SFXN1: variants seen among roughly 807,000 people sequenced by gnomAD.
SFXN1 encodes sideroflexin-1.
A neutral mutation model predicts 39.5 loss-of-function variants in SFXN1; 32 were observed. The observed-to-expected ratio is 0.81, with a 90% CI of 0.61 to 1.09. The LOEUF (loss-of-function observed/expected upper bound fraction) is 1.09. Among genes scored for constraint, SFXN1 ranks in the 50% least tolerant of loss-of-function variants. The pLI, the probability that SFXN1 is intolerant of heterozygous loss-of-function variation, is 0.00. For missense variants in SFXN1, 402 were observed against 407.1 expected, an observed-to-expected ratio of 0.99 and a Z score of 0.11; for synonymous variants, 136 against 146.5, an observed-to-expected ratio of 0.93 and a Z score of 0.52.
rs542496474 is a variant in SFXN1 at position 175,500,083 on chromosome 5, G to A, written c.164+7816G>A. On this transcript the variant is annotated intron_variant, in intron 2 of 10. Transcript: ENST00000321442. The stretch of plus-strand genomic sequence containing the variant: ...CATGCCTGTAATCCCAGCTACTTGG[G>A]GTGCTGAGGCACGAGAATCACTTGA... Among the ~76,000 whole-genome samples, 247 of 152,234 alleles carry A rather than the reference G, an allele frequency of 1.6e-3. 1 individual carries two copies. Among genetic ancestry groups the A allele is most frequent in the Non-Finnish European group, 2.1e-3 (145 of 68,018 alleles).
At chr5:175,523,748 G>A (rs982777199) in intron 10 of SFXN1, 2 of 151,976 alleles carry the variant, frequency 1.3e-5, no homozygotes, top group Admixed American at 1.3e-4. Flanking sequence ...GTGTCCTTAG[G>A]TCAAGGCCCT....
At chr5:175,499,502 T>C (rs971850333) in intron 2 of SFXN1, among the ~76,000 whole-genome samples, 2 of 152,144 alleles carry the variant, frequency 1.3e-5, no homozygotes, top group African/African-American at 4.8e-5. Flanking sequence ...ATAACAAGAA[T>C]GCAAGATTGG....
chr5:175,486,194 G>T (rs13153383), intron 1 of SFXN1, among the ~76,000 whole-genome samples: 5,705 of 152,166 alleles, frequency 0.037, 141 homozygotes, highest in South Asian at 0.12. Flanking sequence ...AAGTGGGGGG[G>T]CCTCCAAGAT....
In SFXN1 at chr5:175,529,576, A is replaced by C. The variant is rs1415226522; in HGVS notation, c.*2842A>C. Reference sequence around the variant, plus strand: ...GTGCAATAAGCTTATAAAGCTAAGTAGTTATTAATATTTCTATTAACATGA... The same window carrying C: ...GTGCAATAAGCTTATAAAGCTAAGTCGTTATTAATATTTCTATTAACATGA... On this transcript the variant is annotated 3_prime_UTR_variant, in exon 11 of 11. Transcript: ENST00000321442. 1 of 152,246 alleles carries C rather than the reference A, an allele frequency of 6.6e-6. No homozygotes were observed. The highest frequency in any genetic ancestry group is 1.5e-5 in the Non-Finnish European group (1 of 68,042). The allele number at this position is 152,246 out of a possible 1,614,324, so 9.4% of individuals were successfully genotyped here. A position where few individuals can be genotyped will look rare whatever the true frequency, so the allele number is the denominator to read the frequency against.
At position 175,523,316 on chromosome 5, in the gene SFXN1, C is replaced by G. The variant is rs1195536567; in HGVS notation, c.872+894C>G. On this transcript the variant is annotated intron_variant, in intron 10 of 10. Transcript: ENST00000321442. Reference sequence around the variant, plus strand: ...AGAGCCCCCCTTGAAGAGGGCAGGACCTTCAGAACTTGCTCTGGGAGCCTG... The same window carrying G: ...AGAGCCCCCCTTGAAGAGGGCAGGAGCTTCAGAACTTGCTCTGGGAGCCTG... 4 of 152,178 alleles carry G rather than the reference C, an allele frequency of 2.6e-5. No individual in the cohort carries two copies. In the East Asian group the frequency reaches 7.7e-4, roughly 29 times the overall value. 9.4% of individuals were successfully genotyped at this position (152,178 alleles called of 1,614,324 possible).
intron 2 of SFXN1, among the ~76,000 whole-genome samples, chr5:175,501,002 A>G (rs1363710472): frequency 6.6e-6 from 1 of 152,144 alleles, no homozygotes; most frequent in African/African-American, 2.4e-5. Context: ...TATACTAGCT[A>G]ACACTATTCA....
In SFXN1 at chr5:175,505,390, A is replaced by G. The variant is rs191015721; in HGVS notation, c.165-3642A>G. Among the ~76,000 whole-genome samples the G allele has an allele frequency of 7.3e-3, 1,110 of 151,580 alleles. 16 individuals carry two copies. The highest frequency in any genetic ancestry group is 0.025 in the African/African-American group (1,036 of 41,380). On this transcript the variant is annotated intron_variant, in intron 2 of 10. Coordinates refer to ENST00000321442, the MANE Select transcript of SFXN1 (RefSeq NM_022754.7). The stretch of plus-strand genomic sequence containing the variant: ...TCTCTACTAAAAATACAAAAAAAAA[A>G]GCTGAATGTGGTGGCGGGTGCCTGT...
rs533500447 is a variant in SFXN1, at chr5:175,521,500, G to C, written c.775-419G>C. The stretch of plus-strand genomic sequence containing the variant: ...CATTTTGTACCATCACAAGGAAACG[G>C]AAGCTTGGAGAGGCTAGGCTCTGCC... On this transcript the variant is annotated intron_variant, in intron 8 of 10. Coordinates refer to ENST00000321442, the MANE Select transcript of SFXN1 (RefSeq NM_022754.7). 2.0e-5 allele frequency among the ~76,000 whole-genome samples: 3 copies of C among 152,312 alleles called. No individual in the cohort carries two copies. In the East Asian group the frequency reaches 5.8e-4, roughly 29 times the overall value.
At chr5:175,502,555 A>G (rs974619447) in intron 2 of SFXN1, among the ~76,000 whole-genome samples, 2 of 152,242 alleles carry the variant, frequency 1.3e-5, no homozygotes, top group Non-Finnish European at 2.9e-5. Flanking sequence ...TAAATAACGT[A>G]CTGGCCGGGC....
At chr5:175,520,147 C>T (rs1286179171) in intron 8 of SFXN1, among the ~76,000 whole-genome samples, 1 of 151,790 alleles carries the variant, frequency 6.6e-6, no homozygotes, top group Non-Finnish European at 1.5e-5. Context: ...GGATTACAGG[C>T]ATGAGCCACC....
At position 175,509,204 on chromosome 5, in the gene SFXN1, T is replaced by C; in HGVS notation, c.335+2T>C. On this transcript the variant is annotated splice_donor_variant, in intron 3 of 10. Transcript: ENST00000321442. LOFTEE classifies it high-confidence loss of function. ...AGGTTGTATGATGACGTTTTACAGGTATGTTATGAATATGTAGCAACAGTG... is the reference window on the plus strand; with the variant it reads ...AGGTTGTATGATGACGTTTTACAGGCATGTTATGAATATGTAGCAACAGTG... 6.2e-7 allele frequency: 1 copy of C among 1,609,924 alleles called. No homozygotes were observed. Among genetic ancestry groups the C allele is most frequent in the Non-Finnish European group, 8.5e-7 (1 of 1,178,248 alleles).
Position 175,516,624 on chromosome 5 carries a change from A to G in SFXN1, c.735A>G (p.Pro245=), listed in dbSNP as rs761269006. 3 of 1,612,576 alleles carry G rather than the reference A, an allele frequency of 1.9e-6. No homozygotes were observed. The highest frequency in any genetic ancestry group is 1.7e-6 in the Non-Finnish European group (2 of 1,179,502). Residue 245 remains proline, a synonymous_variant, in exon 8 of 11, where the codon CCA becomes CCG. Transcript: ENST00000321442. ...TATCTTTATTTCCAGCCATCCCTCCATTCATTATGAACACTTTGGAAAAGA... is the reference window on the plus strand; with the variant it reads ...TATCTTTATTTCCAGCCATCCCTCCGTTCATTATGAACACTTTGGAAAAGA... ...LMAAPGMAIP[P]FIMNTLEKKA...
At chr5:175,496,897 TC>T (rs1354577031) in intron 2 of SFXN1, among the ~76,000 whole-genome samples, 2 of 136,454 alleles carry the variant, frequency 1.5e-5, no homozygotes, top group Non-Finnish European at 3.1e-5. Context: ...AGATACTCTT[TC>T]TTTTTTTTTT....
chr5:175,510,113 A>G lies in SFXN1; in HGVS notation c.340A>G (p.Thr114Ala). The change falls in exon 4 of 11, where the codon ACG (threonine) becomes GCG (alanine). Residue 114 changes from threonine to alanine, a missense_variant. Physicochemically the swap from Thr to Ala is moderately conservative, Grantham distance 58. Transcript: ENST00000321442. ...TGACGGATGCCTCTGTTTTAGGACT[A>G]CGCCGGCTGTGCTGTTCTGGCAGTG... ...TGCMMTFYRT[T>A]PAVLFWQWIN... The G allele has an allele frequency of 1.2e-6, 2 of 1,610,702 alleles. No homozygotes were observed. Among genetic ancestry groups the G allele is most frequent in the Non-Finnish European group, 8.5e-7 (1 of 1,178,394 alleles).
chr5:175,499,422 T>C (rs1759988915), intron 2 of SFXN1, among the ~76,000 whole-genome samples: 1 of 152,118 alleles, frequency 6.6e-6, no homozygotes, highest in Non-Finnish European at 1.5e-5. Context: ...GACACAAAAA[T>C]TCTTAACAGA....
rs1027054013 is a variant in SFXN1 at position 175,529,172 on chromosome 5, A to G, written c.*2438A>G. ...GCCAACATGGAGAAACCCCGCCTCTACTAAAAATACAAAAAATTAGCCAGG... is the reference window on the plus strand; with the variant it reads ...GCCAACATGGAGAAACCCCGCCTCTGCTAAAAATACAAAAAATTAGCCAGG... On this transcript the variant is annotated 3_prime_UTR_variant, in exon 11 of 11. Transcript: ENST00000321442. 4 of 152,200 alleles carry G rather than the reference A, an allele frequency of 2.6e-5. No individual in the cohort carries two copies. The highest frequency in any genetic ancestry group is 1.3e-4 in the Admixed American group (2 of 15,268). The allele number at this position is 152,200 out of a possible 1,614,324, so 9.4% of individuals were successfully genotyped here.
At chr5:175,508,297 C>T (rs1240578325) in intron 2 of SFXN1, among the ~76,000 whole-genome samples, 7 of 131,534 alleles carry the variant, frequency 5.3e-5, no homozygotes, top group Admixed American at 9.3e-5. Flanking sequence ...ATGATGACTG[C>T]TCACTGCAGC....
At chr5:175,510,011 A>C in intron 3 of SFXN1, 98 bp from the exon 4 acceptor site, 1 of 916,006 alleles carries the variant, frequency 1.1e-6, no homozygotes, top group Non-Finnish European at 1.7e-6. Context: ...TCCCTTCCCC[A>C]GTACGTCTCC....
At chr5:175,518,971 A>G (rs931732399) in intron 8 of SFXN1, among the ~76,000 whole-genome samples, 2 of 152,230 alleles carry the variant, frequency 1.3e-5, no homozygotes, top group Admixed American at 6.5e-5. Flanking sequence ...GCATGGGGAA[A>G]AATGTTTACA....
Sources: allele counts gnomAD v4.1 joint callset (sites outside exome capture counted in the v4.1 genomes callset), GRCh38; gene constraint gnomAD v4.1.1; transcripts MANE v1.5; gene names NCBI Gene and HGNC (gene_info 2026-07-23, HGNC 2026-07-21).